ABHD12: variants seen among roughly 807,000 people sequenced by gnomAD.
ABHD12 encodes the protein abhydrolase domain containing 12, lysophospholipase, also known as lysophosphatidylserine lipase ABHD12.
Under a neutral mutation model 58.3 loss-of-function variants are expected in ABHD12, and 43 were observed. The ratio of observed to expected loss-of-function variants is 0.74; its 90% CI spans 0.58 to 0.95. The LOEUF (loss-of-function observed/expected upper bound fraction) is 0.95, where lower values mean the gene tolerates loss of function less well. Ranked by LOEUF, ABHD12 falls within the 40% of genes least tolerant of loss-of-function variation. ABHD12 has a pLI of 0.00. For synonymous variants in ABHD12, 219 were observed against 211.2 expected (o/e 1.04, Z -0.32); for missense variants, 539 against 537.2 (o/e 1.00, Z -0.03).
chr20:25,388,780 A>ATTT (rs1372030724), intron 1 of ABHD12, among the ~76,000 whole-genome samples: 23 of 105,928 alleles, frequency 2.2e-4, no homozygotes, highest in Non-Finnish European at 3.2e-4. Context: ...AAACAATTTG[A>ATTT]TTTTTTCTTT....
intron 2 of ABHD12, among the ~76,000 whole-genome samples, chr20:25,336,733 G>C (rs549898715): frequency 2.0e-5 from 3 of 152,184 alleles, no homozygotes; most frequent in South Asian, 2.1e-4. Context: ...CCTCCCAAAG[G>C]GGGAGACAGA....
intron 1 of ABHD12, chr20:25,390,263 A>G: frequency 2.7e-6 from 1 of 371,172 alleles, no homozygotes; most frequent in Non-Finnish European, 4.8e-6. Context: ...GTGCCTGGCG[A>G]GAGGGCCGGA....
intron 1 of ABHD12, among the ~76,000 whole-genome samples, chr20:25,345,616 G>T (rs2089508144): frequency 6.6e-6 from 1 of 152,084 alleles, no homozygotes; most frequent in Admixed American, 6.6e-5. Context: ...TAAATAACTG[G>T]ATTTTAAAAG....
At chr20:25,366,281 CTT>C (rs916697130) in intron 1 of ABHD12, among the ~76,000 whole-genome samples, 1 of 143,772 alleles carries the variant, frequency 7.0e-6, no homozygotes, top group African/African-American at 2.5e-5. Flanking sequence ...CTTTTCTTTT[CTT>C]TTTTTTTTTA....
chr20:25,377,470 T>TGA (rs2089974636), intron 1 of ABHD12, among the ~76,000 whole-genome samples: 1 of 152,190 alleles, frequency 6.6e-6, no homozygotes, highest in East Asian at 1.9e-4. Context: ...CCATATCTGG[T>TGA]GAGGACCTTC....
At chr20:25,357,866 C>G (rs143996749) in intron 1 of ABHD12, among the ~76,000 whole-genome samples, 1 of 152,182 alleles carries the variant, frequency 6.6e-6, no homozygotes, top group African/African-American at 2.4e-5. Context: ...CAAAAATTAG[C>G]TGGGTGTCAT....
chr20:25,298,579 TATCA>T (rs756170146), downstream of ABHD12, among the ~76,000 whole-genome samples: 25 of 152,194 alleles, frequency 1.6e-4, no homozygotes, highest in South Asian at 1.7e-3. Flanking sequence ...CTAAAAATTC[TATCA>T]ATCAATCAAA....
At chr20:25,354,471 C>T (rs1428090752) in intron 1 of ABHD12, among the ~76,000 whole-genome samples, 2 of 152,176 alleles carry the variant, frequency 1.3e-5, no homozygotes, top group Non-Finnish European at 2.9e-5. Flanking sequence ...TTTTCAGCAT[C>T]GATTGCCACT....
intron 1 of ABHD12, among the ~76,000 whole-genome samples, chr20:25,378,360 A>G (rs1412110326): frequency 1.1e-4 from 17 of 152,210 alleles, no homozygotes; most frequent in Non-Finnish European, 1.2e-4. Context: ...AACATCTGGC[A>G]AACAGCAGGA....
At position 25,323,398 on chromosome 20, in the gene ABHD12, GT is replaced by G. The variant is rs1437025228; in HGVS notation, c.348del (p.Lys116AsnfsTer7). ...VRVPYFIDLK[K>X]PQDQGLNHTC... ...GTGTGATTCAAACCTTGATCCTGTGGTTTTTTCAAATCAATGAAATAGGGAA... is the reference window on the plus strand; with the variant it reads ...GTGTGATTCAAACCTTGATCCTGTGGTTTTTCAAATCAATGAAATAGGGAA... On this transcript the variant is annotated frameshift_variant, in exon 3 of 13. Transcript: ENST00000339157. LOFTEE classifies it high-confidence loss of function. 6.8e-6 allele frequency: 11 copies of G among 1,613,688 alleles called. No homozygotes were observed. The highest frequency in any genetic ancestry group is 9.3e-6 in the Non-Finnish European group (11 of 1,179,620).
intron 1 of ABHD12, among the ~76,000 whole-genome samples, chr20:25,367,757 T>C (rs890600733): frequency 6.6e-6 from 1 of 152,246 alleles, no homozygotes; most frequent in Non-Finnish European, 1.5e-5. Context: ...TTCTTTCCAT[T>C]GTACAGATAT....
rs2088612682 is a variant in ABHD12, at chr20:25,300,359, A to G, written c.*486T>C. 2 of 1,054,912 alleles carry G rather than the reference A, an allele frequency of 1.9e-6. No individual in the cohort carries two copies. The highest frequency in any genetic ancestry group is 6.6e-5 in the South Asian group (2 of 30,146). 65.3% of individuals were successfully genotyped at this position (1,054,912 alleles called of 1,614,324 possible). A position where few individuals can be genotyped will look rare whatever the true frequency, so the allele number is the denominator to read the frequency against. On this transcript the variant is annotated 3_prime_UTR_variant, in exon 13 of 13. Coordinates refer to ENST00000339157, the MANE Select transcript of ABHD12 (RefSeq NM_001042472.3). ...GCCCAGGGGAGGTGGGGCAGCTGAG[A>G]AAGGCAAGCAGGTACACAGGGCAGG...
Position 25,368,253 on chromosome 20 carries a change from G to A in ABHD12, c.191+22260C>T. On this transcript the variant is annotated intron_variant, in intron 1 of 12. Transcript: ENST00000339157. ...ACAGAAGGAATGGTCTGGTGGTTAA[G>A]ATAAAACACAAGTCAAACTTATTAG... The A allele has an allele frequency of 2.7e-6, 4 of 1,498,480 alleles. No homozygotes were observed. The East Asian group carries it at 9.0e-5, about 34-fold the overall frequency. The allele number at this position is 1,498,480 out of a possible 1,614,324, so 92.8% of individuals were successfully genotyped here. A position where few individuals can be genotyped will look rare whatever the true frequency, so the allele number is the denominator to read the frequency against.
downstream of ABHD12, among the ~76,000 whole-genome samples, chr20:25,296,201 G>A (rs151223737): frequency 1.3e-5 from 2 of 152,136 alleles, no homozygotes; most frequent in African/African-American, 4.8e-5. Flanking sequence ...TTCCTGGTCC[G>A]TGGGGTCCCC....
chr20:25,320,128 C>T (rs1359236151), intron 4 of ABHD12, 71 bp downstream of exon 4: 9 of 1,600,114 alleles, frequency 5.6e-6, no homozygotes, highest in East Asian at 2.2e-5. Flanking sequence ...TCCGGCAGAC[C>T]GGGCCAGGAC....
chr20:25,361,819 G>C (rs2089752286), intron 1 of ABHD12, among the ~76,000 whole-genome samples: 1 of 152,084 alleles, frequency 6.6e-6, no homozygotes. Context: ...GCTGGGCGTG[G>C]TGGCGGGCGC....
At chr20:25,376,482 C>T (rs1248895583) in intron 1 of ABHD12, among the ~76,000 whole-genome samples, 2 of 152,162 alleles carry the variant, frequency 1.3e-5, no homozygotes, top group Non-Finnish European at 2.9e-5. Context: ...AGGATTCAGT[C>T]GGCAGAACTG....
chr20:25,319,523 G>A (rs988428157), intron 4 of ABHD12, among the ~76,000 whole-genome samples: 1 of 152,152 alleles, frequency 6.6e-6, no homozygotes, highest in African/African-American at 2.4e-5. Context: ...CAGGAAGTGT[G>A]CCACCTCCTC....
At chr20:25,308,325 G>T in intron 8 of ABHD12, 132 bp downstream of exon 8, 1 of 1,163,902 alleles carries the variant, frequency 8.6e-7, no homozygotes, top group Non-Finnish European at 1.2e-6. Flanking sequence ...AAGGGTGGCT[G>T]GTCAGCCCCG....
Sources: allele counts gnomAD v4.1 joint callset (sites outside exome capture counted in the v4.1 genomes callset), GRCh38; gene constraint gnomAD v4.1.1; transcripts MANE v1.5; gene names NCBI Gene and HGNC (gene_info 2026-07-23, HGNC 2026-07-21).